SMLR1: variants seen among roughly 807,000 people sequenced by gnomAD.
The protein encoded by SMLR1 is small leucine rich protein 1.
SMLR1 carries 3 observed loss-of-function variants against 6.1 expected under a neutral mutation model. The ratio of observed to expected loss-of-function variants is 0.49; its 90% CI spans 0.22 to 1.28. SMLR1 has a LOEUF of 1.28. Ranked by LOEUF, SMLR1 falls within the 50% of genes most tolerant of loss-of-function variation. The pLI, the probability that SMLR1 is intolerant of heterozygous loss-of-function variation, is 0.19. For missense variants in SMLR1, 126 were observed against 124.8 expected (o/e 1.01, Z -0.05); for synonymous variants, 55 against 53.6 (o/e 1.03, Z -0.11).
Position 130,835,335 on chromosome 6 carries a change from A to G in SMLR1, c.*380A>G. 1 of 171,330 alleles carries G rather than the reference A, an allele frequency of 5.8e-6. No homozygotes were observed. Among genetic ancestry groups the G allele is most frequent in the East Asian group, 1.5e-4 (1 of 6,816 alleles). The allele number at this position is 171,330 out of a possible 1,614,324, so 10.6% of individuals were successfully genotyped here. ...TTATTCCGATTTTAGAGGTGAAGAA[A>G]CCTTGGTAGAGATCCAATGAATAGC... On this transcript the variant is annotated 3_prime_UTR_variant, in exon 2 of 2. Transcript: ENST00000541421.
chr6:130,827,802 C>T (rs1329207769), intron 1 of SMLR1, among the ~76,000 whole-genome samples, 151 bp downstream of exon 1: 1 of 152,084 alleles, frequency 6.6e-6, no homozygotes, highest in Non-Finnish European at 1.5e-5. Flanking sequence ...CTCTCAAGTT[C>T]CTTGATCAAT....
intron 1 of SMLR1, among the ~76,000 whole-genome samples, chr6:130,831,682 C>T (rs1259431266): frequency 2.6e-5 from 4 of 152,176 alleles, no homozygotes; most frequent in Admixed American, 2.0e-4. Context: ...AATCTTCCAA[C>T]CAGGGTTATG....
chr6:130,827,707 T>A, intron 1 of SMLR1, 56 bp downstream of exon 1: 2 of 1,284,228 alleles, frequency 1.6e-6, no homozygotes, highest in Non-Finnish European at 2.2e-6. Flanking sequence ...CAGCACATCT[T>A]GAAATATACC....
At position 130,835,817 on chromosome 6, in the gene SMLR1, G is replaced by A. The variant is rs543969352; in HGVS notation, c.*862G>A. The A allele has an allele frequency of 3.9e-5, 6 of 152,186 alleles. No individual in the cohort carries two copies. The highest frequency in any genetic ancestry group is 1.4e-4 in the African/African-American group (6 of 41,522). 9.4% of individuals were successfully genotyped at this position (152,186 alleles called of 1,614,324 possible). The stretch of plus-strand genomic sequence containing the variant: ...AATTGAAAAGAAACTTAATTCTAGG[G>A]GTAGTTAAACGAGATTGTGGTTACT... On this transcript the variant is annotated 3_prime_UTR_variant, in exon 2 of 2. Transcript: ENST00000541421.
chr6:130,833,025 C>A lies in SMLR1; in HGVS notation c.239-1845C>A, dbSNP rs79710452. On this transcript the variant is annotated intron_variant, in intron 1 of 1. Transcript: ENST00000541421. ...TTTCTTTACCTGGGAACTAACAGGGCACACTGCATTGCTTGCAGGATTTTC... is the reference window on the plus strand; with the variant it reads ...TTTCTTTACCTGGGAACTAACAGGGAACACTGCATTGCTTGCAGGATTTTC... Among the ~76,000 whole-genome samples, 10 of 152,320 alleles carry A rather than the reference C, an allele frequency of 6.6e-5. No individual in the cohort carries two copies. In the East Asian group the frequency reaches 1.9e-3, roughly 29 times the overall value.
intron 1 of SMLR1, among the ~76,000 whole-genome samples, chr6:130,834,295 T>C (rs1460628832): frequency 6.6e-6 from 1 of 152,118 alleles, no homozygotes; most frequent in African/African-American, 2.4e-5. Context: ...TTGTGTCAAA[T>C]GCTACTGAGG....
intron 1 of SMLR1, among the ~76,000 whole-genome samples, chr6:130,828,063 C>T (rs371339536): frequency 6.6e-6 from 1 of 151,882 alleles, no homozygotes; most frequent in African/African-American, 2.4e-5. Context: ...TGTATGCGCC[C>T]GTGTGTGCAC....
intron 1 of SMLR1, among the ~76,000 whole-genome samples, chr6:130,831,538 A>T (rs1774447342): frequency 6.6e-6 from 1 of 152,162 alleles, no homozygotes; most frequent in Non-Finnish European, 1.5e-5. Flanking sequence ...CCTAAGGGTA[A>T]GTAGTACTGT....
At chr6:130,831,772 A>G (rs1774456943) in intron 1 of SMLR1, among the ~76,000 whole-genome samples, 1 of 152,220 alleles carries the variant, frequency 6.6e-6, no homozygotes. Context: ...AGAACCCCAG[A>G]GTCCTGCATT....
chr6:130,827,676 G>A (rs901736491), intron 1 of SMLR1, 25 bp downstream of exon 1: 24 of 1,513,942 alleles, frequency 1.6e-5, no homozygotes, highest in Non-Finnish European at 2.0e-5. Flanking sequence ...ACACAAGGAA[G>A]AACTTGGGCA....
intron 1 of SMLR1, among the ~76,000 whole-genome samples, chr6:130,828,664 T>C (rs966963047): frequency 2.0e-5 from 3 of 152,220 alleles, no homozygotes; most frequent in African/African-American, 7.2e-5. Context: ...ACAGACAGTA[T>C]GTCATGGAAT....
rs1774621169 is a variant in SMLR1, at chr6:130,835,358, A to G, written c.*403A>G. 1 of 163,848 alleles carries G rather than the reference A, an allele frequency of 6.1e-6. No homozygotes were observed. Among genetic ancestry groups the G allele is most frequent in the African/African-American group, 2.4e-5 (1 of 41,812 alleles). 10.1% of individuals were successfully genotyped at this position (163,848 alleles called of 1,614,324 possible). A position where few individuals can be genotyped will look rare whatever the true frequency, so the allele number is the denominator to read the frequency against. ...AAACCTTGGTAGAGATCCAATGAAT[A>G]GCAAAAGATGAATGCCTTGGAGAGA... On this transcript the variant is annotated 3_prime_UTR_variant, in exon 2 of 2. Coordinates refer to ENST00000541421, the MANE Select transcript of SMLR1 (RefSeq NM_001195597.2).
In SMLR1 at chr6:130,827,522, G is replaced by C; in HGVS notation, c.109G>C (p.Ala37Pro). The C allele has an allele frequency of 6.5e-7, 1 of 1,535,980 alleles. No homozygotes were observed. Among genetic ancestry groups the C allele is most frequent in the Non-Finnish European group, 8.7e-7 (1 of 1,146,860 alleles). Residue 37 changes from alanine to proline, a missense_variant, in exon 1 of 2, where the codon GCA (alanine) becomes CCA (proline). Physicochemically the swap from Ala to Pro is conservative, Grantham distance 27 (BLOSUM62 -1). Transcript: ENST00000541421. ...GGTCCCCGTGGGGTCTGTGTGGTTG[G>C]CAATGAGCTCTGTGCTGTCAGCTTT... is the stretch of plus-strand genomic sequence containing the variant. ...PMVPVGSVWLAMSSVLSAFMR... is the reference protein window; with the variant it reads ...PMVPVGSVWLPMSSVLSAFMR...
At chr6:130,833,490 T>C (rs1774534466) in intron 1 of SMLR1, among the ~76,000 whole-genome samples, 1 of 152,150 alleles carries the variant, frequency 6.6e-6, no homozygotes, top group African/African-American at 2.4e-5. Context: ...AGGAATACCT[T>C]TGAAATAGCG....
chr6:130,835,022 T>C lies in SMLR1; in HGVS notation c.*67T>C. On this transcript the variant is annotated 3_prime_UTR_variant, in exon 2 of 2. Transcript: ENST00000541421. Reference sequence around the variant, plus strand: ...CTGGTCAGCAAGCAATGGCCAACAGTTCAGCTAATAAAGTAGGTTGATAAA... The same window carrying C: ...CTGGTCAGCAAGCAATGGCCAACAGCTCAGCTAATAAAGTAGGTTGATAAA... 8.2e-7 allele frequency: 1 copy of C among 1,222,224 alleles called. No individual in the cohort carries two copies. Among genetic ancestry groups the C allele is most frequent in the Non-Finnish European group, 1.2e-6 (1 of 861,726 alleles). 75.7% of individuals were successfully genotyped at this position (1,222,224 alleles called of 1,614,324 possible).
rs1205445364 is a variant in SMLR1 at position 130,836,143 on chromosome 6, C to A, written c.*1188C>A. 6.6e-6 allele frequency: 1 copy of A among 152,156 alleles called. No individual in the cohort carries two copies. Among genetic ancestry groups the A allele is most frequent in the Non-Finnish European group, 1.5e-5 (1 of 68,014 alleles). 9.4% of individuals were successfully genotyped at this position (152,156 alleles called of 1,614,324 possible). ...TTGATACCCATTCCGTGAGTAGTTTCCATTTGCACTTCTTGCATAATATAA... is the reference window on the plus strand; with the variant it reads ...TTGATACCCATTCCGTGAGTAGTTTACATTTGCACTTCTTGCATAATATAA... On this transcript the variant is annotated 3_prime_UTR_variant, in exon 2 of 2. Transcript: ENST00000541421.
chr6:130,831,853 T>C (rs1774459675), intron 1 of SMLR1, among the ~76,000 whole-genome samples: 1 of 152,178 alleles, frequency 6.6e-6, no homozygotes, highest in Admixed American at 6.5e-5. Context: ...TTTTAAGATG[T>C]GATGGAAAGC....
In SMLR1 at chr6:130,835,882, GA is replaced by G. The variant is rs1426038789; in HGVS notation, c.*928del. The G allele has an allele frequency of 6.6e-6, 1 of 152,164 alleles. No individual in the cohort carries two copies. Among genetic ancestry groups the G allele is most frequent in the Non-Finnish European group, 1.5e-5 (1 of 68,032 alleles). The allele number at this position is 152,164 out of a possible 1,614,324, so 9.4% of individuals were successfully genotyped here. ...ATTCTTCCAGTTAACATAAATCAAA[GA>G]TGTTCAATGCATTCTAAGTGTAAGA... is the stretch of plus-strand genomic sequence containing the variant. On this transcript the variant is annotated 3_prime_UTR_variant, in exon 2 of 2. Transcript: ENST00000541421.
chr6:130,833,511 G>T (rs1774535501), intron 1 of SMLR1, among the ~76,000 whole-genome samples: 1 of 152,178 alleles, frequency 6.6e-6, no homozygotes, highest in South Asian at 2.1e-4. Flanking sequence ...ATAATCTACG[G>T]AAAGTCAGTG....
Sources: allele counts gnomAD v4.1 joint callset (sites outside exome capture counted in the v4.1 genomes callset), GRCh38; gene constraint gnomAD v4.1.1; transcripts MANE v1.5; gene names NCBI Gene and HGNC (gene_info 2026-07-23, HGNC 2026-07-21).